NETO1: variants seen among roughly 807,000 people sequenced by gnomAD.
NETO1 encodes the protein neuropilin and tolloid like 1.
In NETO1, 26 loss-of-function variants were observed where a neutral mutation model predicts 61.3. The observed-to-expected ratio is 0.42, with a 90% CI of 0.31 to 0.59. The LOEUF is 0.59. Among genes scored for constraint, NETO1 ranks in the 20% least tolerant of loss-of-function variants. The pLI is 0.12. For synonymous variants in NETO1, 225 were observed against 225.8 expected (o/e 1.00, Z 0.03); for missense variants, 531 against 662.8 (o/e 0.80, Z 2.18).
chr18:72,786,640 A>T (rs774127349), intron 6 of NETO1, among the ~76,000 whole-genome samples: 3 of 151,984 alleles, frequency 2.0e-5, no homozygotes, highest in Non-Finnish European at 4.4e-5. Context: ...TTTATCTAAA[A>T]CTCAGATATT....
rs117042207 is a variant in NETO1 at position 72,812,077 on chromosome 18, C to T, written c.470-17673G>A. Among the ~76,000 whole-genome samples, 306 of 152,300 alleles carry T rather than the reference C, an allele frequency of 2.0e-3. 2 individuals are homozygous for T. Among genetic ancestry groups the T allele is most frequent in the East Asian group, 0.013 (67 of 5,178 alleles). ...TGATGCTAACATCTTCATTGAGGAA[C>T]AACTGTGGGTAAAACTTCCCTACAT... On this transcript the variant is annotated intron_variant, in intron 4 of 10. Transcript: ENST00000327305.
At chr18:72,866,851 T>C in intron 1 of NETO1, 1 of 967,554 alleles carries the variant, frequency 1.0e-6, no homozygotes, top group Non-Finnish European at 1.2e-6. Flanking sequence ...CCTCCTGTAC[T>C]GCGAACAGGG....
Position 72,761,821 on chromosome 18 carries a change from T to C in NETO1, c.869-5674A>G, listed in dbSNP as rs907801005. Among the ~76,000 whole-genome samples the C allele has an allele frequency of 5.3e-5, 8 of 152,334 alleles. 2 individuals are homozygous for C. In the South Asian group the frequency reaches 1.7e-3, roughly 32 times the overall value. On this transcript the variant is annotated intron_variant, in intron 7 of 10. Coordinates refer to ENST00000327305, the MANE Select transcript of NETO1 (RefSeq NM_138966.5). ...TCAGTTAACATTTATTCAAATACTT[T>C]ATAATAAATTCTTTGGAAACAAAAT... is the stretch of plus-strand genomic sequence containing the variant.
At chr18:72,774,311 G>T (rs563274654) in intron 7 of NETO1, among the ~76,000 whole-genome samples, 1 of 152,182 alleles carries the variant, frequency 6.6e-6, no homozygotes, top group South Asian at 2.1e-4. Context: ...AACTTAGCAG[G>T]TGATTTATTT....
rs113642717 is a variant in NETO1 at position 72,774,464 on chromosome 18, G to A, written c.868+9214C>T. 9.1e-3 allele frequency among the ~76,000 whole-genome samples: 1,377 copies of A among 152,100 alleles called. 16 individuals carry two copies. Among genetic ancestry groups the A allele is most frequent in the African/African-American group, 0.031 (1,297 of 41,494 alleles). On this transcript the variant is annotated intron_variant, in intron 7 of 10. Coordinates refer to ENST00000327305, the MANE Select transcript of NETO1 (RefSeq NM_138966.5). ...AAATATAATCATTCCTTTAAAATTA[G>A]TAATTCTTTAGAGTCAATAAATTTT...
intron 4 of NETO1, among the ~76,000 whole-genome samples, chr18:72,801,195 G>C (rs528885698): frequency 6.6e-6 from 1 of 152,236 alleles, no homozygotes; most frequent in East Asian, 1.9e-4. Flanking sequence ...AACTCCGTCA[G>C]CTTCATTTTA....
At chr18:72,787,034 A>G (rs1272319573) in intron 6 of NETO1, among the ~76,000 whole-genome samples, 3 of 150,132 alleles carry the variant, frequency 2.0e-5, no homozygotes, top group Non-Finnish European at 4.4e-5. Context: ...CTCTGGATTT[A>G]AATTTCTTTT....
At chr18:72,816,695 C>T (rs1034527963) in intron 4 of NETO1, among the ~76,000 whole-genome samples, 1 of 152,176 alleles carries the variant, frequency 6.6e-6, no homozygotes, top group Non-Finnish European at 1.5e-5. Flanking sequence ...TGGGTCCCCA[C>T]CCCACTGTGG....
At chr18:72,794,634 T>C (rs936348042) in intron 4 of NETO1, among the ~76,000 whole-genome samples, 2 of 152,152 alleles carry the variant, frequency 1.3e-5, no homozygotes, top group African/African-American at 2.4e-5. Context: ...CAAAAAACAC[T>C]ATTTAAATTT....
intron 4 of NETO1, among the ~76,000 whole-genome samples, chr18:72,809,653 T>G (rs149441077): frequency 2.0e-5 from 3 of 152,360 alleles, no homozygotes; most frequent in African/African-American, 7.2e-5. Context: ...TGATTACTGC[T>G]CTATAAAATT....
At position 72,867,486 on chromosome 18, in the gene NETO1, C is replaced by T. The variant is rs1232156698; in HGVS notation, c.-195G>A. On this transcript the variant is annotated 5_prime_UTR_variant, in exon 1 of 11. Coordinates refer to ENST00000327305, the MANE Select transcript of NETO1 (RefSeq NM_138966.5). The stretch of plus-strand genomic sequence containing the variant: ...CGCTGCAGCCAGATCCGGATGAGTC[C>T]GTCCTCCGCCCCGGGCGGGCTCTCG... The T allele has an allele frequency of 7.5e-6, 3 of 399,590 alleles. No individual in the cohort carries two copies. Among genetic ancestry groups the T allele is most frequent in the East Asian group, 3.6e-5 (1 of 27,852 alleles). The allele number at this position is 399,590 out of a possible 1,614,324, so 24.8% of individuals were successfully genotyped here.
Position 72,781,402 on chromosome 18 carries a change from C to T in NETO1, c.868+2276G>A, listed in dbSNP as rs2071735352. Among the ~76,000 whole-genome samples the T allele has an allele frequency of 2.6e-5, 4 of 152,150 alleles. No homozygotes were observed. In the South Asian group the frequency reaches 8.3e-4, roughly 31 times the overall value. On this transcript the variant is annotated intron_variant, in intron 7 of 10. Transcript: ENST00000327305. ...AAGGGTGTTGTCTTGTAGCCTGAGTCTCATATGCTTGTCAATAAAATGAAA... is the reference window on the plus strand; with the variant it reads ...AAGGGTGTTGTCTTGTAGCCTGAGTTTCATATGCTTGTCAATAAAATGAAA...
At chr18:72,753,697 G>C (rs2070698046) in intron 8 of NETO1, among the ~76,000 whole-genome samples, 1 of 152,148 alleles carries the variant, frequency 6.6e-6, no homozygotes. Context: ...TCTTTCTTCT[G>C]CAGTCTTCAC....
At chr18:72,842,753 A>C (rs1388953347) in intron 4 of NETO1, among the ~76,000 whole-genome samples, 1 of 152,200 alleles carries the variant, frequency 6.6e-6, no homozygotes, top group East Asian at 1.9e-4. Context: ...TTCTTCATTT[A>C]AACATTTTAA....
intron 4 of NETO1, among the ~76,000 whole-genome samples, chr18:72,810,484 T>G (rs2072830052): frequency 6.6e-6 from 1 of 152,204 alleles, no homozygotes; most frequent in Admixed American, 6.5e-5. Flanking sequence ...TCTTAAGGAC[T>G]GTAAGAATGG....
At chr18:72,804,602 C>T (rs1371361393) in intron 4 of NETO1, among the ~76,000 whole-genome samples, 1 of 152,134 alleles carries the variant, frequency 6.6e-6, no homozygotes, top group East Asian at 1.9e-4. Context: ...GTCTTATTTT[C>T]CTTAACTGAA....
At chr18:72,825,570 T>A (rs1361636829) in intron 4 of NETO1, among the ~76,000 whole-genome samples, 4 of 152,152 alleles carry the variant, frequency 2.6e-5, no homozygotes, top group Non-Finnish European at 5.9e-5. Context: ...TCTTTATAAA[T>A]CTACTTCTAA....
In NETO1 at chr18:72,867,266, T is replaced by G. The variant is rs375981734; in HGVS notation, c.26A>C (p.His9Pro). 6.4e-7 allele frequency: 1 copy of G among 1,563,956 alleles called. No individual in the cohort carries two copies. Among genetic ancestry groups the G allele is most frequent in the Non-Finnish European group, 8.7e-7 (1 of 1,155,040 alleles). MIHGRSVLHIVASLIILHL... is the reference protein window; with the variant it reads MIHGRSVLPIVASLIILHL... ...GGCGCGGCGGGGAGGGTACTCACTGTGAAGCACGCTGCGCCCATGGATCAT... is the reference window on the plus strand; with the variant it reads ...GGCGCGGCGGGGAGGGTACTCACTGGGAAGCACGCTGCGCCCATGGATCAT... The change falls in exon 1 of 11, where the codon CAC becomes CCC. Residue 9 changes from histidine to proline, a missense_variant and splice_region_variant. His to Pro is a moderately conservative substitution (Grantham distance 77). Coordinates refer to ENST00000327305, the MANE Select transcript of NETO1 (RefSeq NM_138966.5).
intron 4 of NETO1, among the ~76,000 whole-genome samples, chr18:72,851,748 T>C (rs895278469): frequency 6.6e-6 from 1 of 152,184 alleles, no homozygotes; most frequent in Non-Finnish European, 1.5e-5. Context: ...CAGTTAATGG[T>C]GAAACGCGGG....
Sources: allele counts gnomAD v4.1 joint callset (sites outside exome capture counted in the v4.1 genomes callset), GRCh38; gene constraint gnomAD v4.1.1; transcripts MANE v1.5; gene names NCBI Gene and HGNC (gene_info 2026-07-23, HGNC 2026-07-21).